Variants in SESN1 observed in about 807,000 individuals in gnomAD.
SESN1 encodes sestrin 1.
A neutral mutation model predicts 59.3 loss-of-function variants in SESN1; 30 were observed. The observed-to-expected ratio is 0.51, with a 90% CI of 0.38 to 0.69. The LOEUF (loss-of-function observed/expected upper bound fraction) is 0.69. Among genes scored for constraint, SESN1 ranks in the 30% least tolerant of loss-of-function variants. The pLI, the probability that SESN1 is intolerant of heterozygous loss-of-function variation, is 0.00. For synonymous variants in SESN1, 197 were observed against 219.9 expected, an observed-to-expected ratio of 0.90 and a Z score of 0.92; for missense variants, 566 against 673.0, an observed-to-expected ratio of 0.84 and a Z score of 1.76.
Position 109,093,875 on chromosome 6 carries a change from C to T in SESN1, c.199G>A (p.Ala67Thr), listed in dbSNP as rs1234691010. The T allele has an allele frequency of 3.7e-6, 6 of 1,614,040 alleles. No individual in the cohort carries two copies. The Admixed American group carries it at 8.3e-5, about 22-fold the overall frequency. ...CTCTTAGAAAGCATAAGCAGATGAG[C>T]AAGTAGCTTATTCAACCCATCCGAA... The part of the protein sequence containing the change: ...ESSDGLNKLL[A>T]HLLMLSKRCP... Residue 67 changes from alanine (A) to threonine (T), a missense_variant, in exon 1 of 10, where the codon GCT becomes ACT. Coordinates refer to ENST00000436639, the MANE Select transcript of SESN1 (RefSeq NM_014454.3).
chr6:108,991,702 T>C (rs1450590201), intron 7 of SESN1, among the ~76,000 whole-genome samples: 3 of 152,214 alleles, frequency 2.0e-5, no homozygotes, highest in Non-Finnish European at 4.4e-5. Context: ...AATAAGCCCC[T>C]ACTTCTTTGT....
chr6:109,092,449 A>C (rs1781331488), intron 1 of SESN1, among the ~76,000 whole-genome samples: 1 of 152,212 alleles, frequency 6.6e-6, no homozygotes, highest in South Asian at 2.1e-4. Context: ...TATAACTCTT[A>C]ACACGATTGG....
intron 1 of SESN1, among the ~76,000 whole-genome samples, chr6:109,026,150 A>C (rs932512636): frequency 3.9e-5 from 6 of 152,206 alleles, no homozygotes; most frequent in African/African-American, 1.2e-4. Flanking sequence ...CAAAATATTG[A>C]GAGAAAATAT....
At chr6:109,091,733 T>C (rs2114485654) in intron 1 of SESN1, among the ~76,000 whole-genome samples, 1 of 152,360 alleles carries the variant, frequency 6.6e-6, no homozygotes, top group East Asian at 1.9e-4. Context: ...TTTGGTATGA[T>C]GTCAAAATTG....
At chr6:108,992,333 C>G (rs915295142) in intron 7 of SESN1, among the ~76,000 whole-genome samples, 2 of 152,164 alleles carry the variant, frequency 1.3e-5, no homozygotes, top group South Asian at 4.2e-4. Flanking sequence ...CCAGGCTGGT[C>G]GTGGAATGCC....
chr6:109,058,352 A>G (rs1394954575), intron 1 of SESN1, among the ~76,000 whole-genome samples: 5 of 152,210 alleles, frequency 3.3e-5, no homozygotes, highest in Non-Finnish European at 7.3e-5. Context: ...GCCAGTGTGT[A>G]CTCAGTATAG....
rs149383455 is a variant in SESN1 at position 109,092,366 on chromosome 6, AC to A, written c.279+1428del. Among the ~76,000 whole-genome samples, 188 of 152,310 alleles carry A rather than the reference AC, an allele frequency of 1.2e-3. 1 individual carries two copies. Among genetic ancestry groups the A allele is most frequent in the African/African-American group, 4.1e-3 (169 of 41,558 alleles). ...ATTTGAGCCCAACTCTGACTCCAGT[AC>A]CCACTTATTTATCATTATATTGAAA... On this transcript the variant is annotated intron_variant, in intron 1 of 9. Transcript: ENST00000436639.
intron 1 of SESN1, among the ~76,000 whole-genome samples, chr6:109,074,330 TA>T (rs1023115526): frequency 8.5e-5 from 13 of 152,190 alleles, no homozygotes; most frequent in African/African-American, 2.9e-4. Context: ...AAATATACAT[TA>T]AAAATAGTTT....
At chr6:109,056,944 C>T (rs1488227043) in intron 1 of SESN1, among the ~76,000 whole-genome samples, 2 of 152,210 alleles carry the variant, frequency 1.3e-5, no homozygotes, top group Admixed American at 6.5e-5. Flanking sequence ...TCTCCCTCCC[C>T]TGACACACAC....
At position 109,027,434 on chromosome 6, in the gene SESN1, G is replaced by A. The variant is rs190360534; in HGVS notation, c.280-25091C>T. Among the ~76,000 whole-genome samples the A allele has an allele frequency of 8.8e-3, 1,153 of 131,060 alleles. 16 individuals carry two copies. Among genetic ancestry groups the A allele is most frequent in the African/African-American group, 0.032 (1,075 of 33,898 alleles). 86.0% of individuals were successfully genotyped at this position (131,060 alleles called of 152,430 possible). ...GGAGGCTGCAGTGAGCTGAGATCGC[G>A]CCACTGCACTCCAGCCTGGGCGACA... On this transcript the variant is annotated intron_variant, in intron 1 of 9. Transcript: ENST00000436639.
intron 8 of SESN1, 106 bp downstream of exon 8, chr6:108,990,539 G>A: frequency 1.0e-6 from 1 of 961,284 alleles, no homozygotes; most frequent in Non-Finnish European, 1.6e-6. Flanking sequence ...TTGGGGAGGG[G>A]ATGGGTTTTG....
rs375613654 is a variant in SESN1 at position 109,012,656 on chromosome 6, T to C, written c.280-10313A>G. Among the ~76,000 whole-genome samples, 53 of 152,044 alleles carry C rather than the reference T, an allele frequency of 3.5e-4. 1 individual carries two copies. In the South Asian group the frequency reaches 9.8e-3, roughly 28 times the overall value. On this transcript the variant is annotated intron_variant, in intron 1 of 9. Coordinates refer to ENST00000436639, the MANE Select transcript of SESN1 (RefSeq NM_014454.3). ...AGTAGAGAGGCCTTGGAAAGAAAAT[T>C]TGGGGGAGAGTTTGGGAGAATAGAC...
At chr6:109,024,628 C>T (rs1162284113) in intron 1 of SESN1, among the ~76,000 whole-genome samples, 1 of 152,168 alleles carries the variant, frequency 6.6e-6, no homozygotes, top group African/African-American at 2.4e-5. Flanking sequence ...GCATTTAATA[C>T]ACCAAATCTT....
At chr6:109,091,970 T>C (rs942004277) in intron 1 of SESN1, among the ~76,000 whole-genome samples, 1 of 152,238 alleles carries the variant, frequency 6.6e-6, no homozygotes, top group African/African-American at 2.4e-5. Flanking sequence ...TAAGAACTCA[T>C]AGCCTTCCTA....
intron 1 of SESN1, among the ~76,000 whole-genome samples, chr6:109,058,173 C>A (rs1269468189): frequency 6.6e-6 from 1 of 152,098 alleles, no homozygotes; most frequent in East Asian, 1.9e-4. Context: ...CAGCCTTGAC[C>A]TCCTGAGTTC....
At chr6:109,063,033 G>C (rs554320947) in intron 1 of SESN1, among the ~76,000 whole-genome samples, 2 of 152,256 alleles carry the variant, frequency 1.3e-5, no homozygotes, top group East Asian at 3.9e-4. Flanking sequence ...TGGTCTCAGG[G>C]AGAACGAGAT....
chr6:109,062,738 T>C (rs758564317), intron 1 of SESN1, among the ~76,000 whole-genome samples: 1 of 152,160 alleles, frequency 6.6e-6, no homozygotes, highest in African/African-American at 2.4e-5. Context: ...GAACCCCCTA[T>C]GTACTATGTT....
chr6:109,081,041 C>CA (rs35855960), intron 1 of SESN1, among the ~76,000 whole-genome samples: 12,205 of 146,014 alleles, frequency 0.084, 651 homozygotes, highest in Middle Eastern at 0.2. Context: ...TTCCAAAATC[C>CA]AAAAAAAAAA....
intron 1 of SESN1, among the ~76,000 whole-genome samples, chr6:109,076,963 TAC>T (rs1048336914): frequency 1.3e-5 from 2 of 152,230 alleles, no homozygotes; most frequent in African/African-American, 2.4e-5. Context: ...TAAACTCTAC[TAC>T]ACACCTAGGC....
Sources: allele counts gnomAD v4.1 joint callset (sites outside exome capture counted in the v4.1 genomes callset), GRCh38; gene constraint gnomAD v4.1.1; transcripts MANE v1.5; gene names NCBI Gene and HGNC (gene_info 2026-07-23, HGNC 2026-07-21).